The following DENND4C variants were observed in gnomAD, a reference collection of about 807,000 sequenced individuals.
The protein encoded by DENND4C is DENN domain-containing protein 4C.
Under a neutral mutation model 203.0 loss-of-function variants are expected in DENND4C, and 108 were observed. That is an observed-to-expected ratio of 0.53 (90% CI 0.46 to 0.62). DENND4C has a LOEUF of 0.62. Ranked by LOEUF, DENND4C falls within the 20% of genes least tolerant of loss-of-function variation. The pLI, the probability that DENND4C is intolerant of heterozygous loss-of-function variation, is 0.00. For synonymous variants in DENND4C, 871 were observed against 792.4 expected (o/e 1.10, Z -1.67); for missense variants, 2,481 against 2,301.2 (o/e 1.08, Z -1.60).
intron 2 of DENND4C, 23 bp downstream of exon 2, chr9:19,276,502 C>G (rs987784408): frequency 2.4e-6 from 3 of 1,225,606 alleles, no homozygotes; most frequent in Admixed American, 4.2e-5. Context: ...CTTTTCTTTG[C>G]TATAGTGAAG....
intron 1 of DENND4C, among the ~76,000 whole-genome samples, chr9:19,258,816 A>G (rs1443670463): frequency 2.0e-5 from 3 of 151,854 alleles, no homozygotes; most frequent in Non-Finnish European, 4.4e-5. Flanking sequence ...CACCAGGCCC[A>G]GCTAATTTTT....
intron 29 of DENND4C, among the ~76,000 whole-genome samples, chr9:19,361,236 T>C (rs1826429031): frequency 6.6e-6 from 1 of 152,198 alleles, no homozygotes; most frequent in Non-Finnish European, 1.5e-5. Flanking sequence ...GGACCCATAT[T>C]ATCCATATTT....
At chr9:19,339,013 A>G (rs1821063839) in intron 20 of DENND4C, among the ~76,000 whole-genome samples, 1 of 152,244 alleles carries the variant, frequency 6.6e-6, no homozygotes, top group African/African-American at 2.4e-5. Context: ...TATTTGAAAT[A>G]ACTTCAAACT....
intron 26 of DENND4C, among the ~76,000 whole-genome samples, chr9:19,354,308 G>C (rs549223212): frequency 1.1e-4 from 16 of 152,084 alleles, no homozygotes; most frequent in Non-Finnish European, 1.9e-4. Flanking sequence ...TTTTGGACTT[G>C]TGAAGTAGTT....
At chr9:19,245,537 A>G (rs1160613508) in intron 1 of DENND4C, among the ~76,000 whole-genome samples, 1 of 147,708 alleles carries the variant, frequency 6.8e-6, no homozygotes, top group African/African-American at 2.5e-5. Context: ...CCTAGACTTT[A>G]TCACCATGAT....
At chr9:19,252,247 A>C (rs1184460925) in intron 1 of DENND4C, among the ~76,000 whole-genome samples, 2 of 152,112 alleles carry the variant, frequency 1.3e-5, no homozygotes, top group Non-Finnish European at 2.9e-5. Context: ...TTCTTTTAAA[A>C]CCATCAGATC....
At chr9:19,272,362 G>A (rs1831883054) in intron 1 of DENND4C, among the ~76,000 whole-genome samples, 1 of 151,932 alleles carries the variant, frequency 6.6e-6, no homozygotes, top group Non-Finnish European at 1.5e-5. Context: ...AGAGGTTGCA[G>A]TGAGCCGAGA....
intron 19 of DENND4C, 71 bp downstream of exon 19, chr9:19,336,485 A>C (rs563441490): frequency 4.6e-6 from 7 of 1,517,390 alleles, no homozygotes; most frequent in Middle Eastern, 1.9e-4. Flanking sequence ...ATTTTTAGCT[A>C]TGTGAAGTAG....
In DENND4C at chr9:19,346,394, C is replaced by T; in HGVS notation, c.3625C>T (p.Leu1209=). 6.2e-7 allele frequency: 1 copy of T among 1,614,070 alleles called. No homozygotes were observed. The highest frequency in any genetic ancestry group is 8.5e-7 in the Non-Finnish European group (1 of 1,180,004). The change falls in exon 23 of 33, where the codon CTA becomes TTA. Residue 1209 remains leucine (L), a synonymous_variant. Transcript: ENST00000434457. ...TATVDTYESL[L]SDSNSNQSRD... is the part of the protein sequence containing the mutation. ...AACAGTAGATACATATGAGAGTCTACTAAGTGATAGTAACAGTAATCAGTC... is the reference window on the plus strand; with the variant it reads ...AACAGTAGATACATATGAGAGTCTATTAAGTGATAGTAACAGTAATCAGTC...
chr9:19,272,945 CTTT>C (rs35973945), intron 1 of DENND4C, among the ~76,000 whole-genome samples: 2 of 86,588 alleles, frequency 2.3e-5, no homozygotes, highest in Admixed American at 1.4e-4. Context: ...TTTTTGTATC[CTTT>C]TTTTTTTTTT....
chr9:19,239,285 TTTC>T (rs1823085576), intron 1 of DENND4C, among the ~76,000 whole-genome samples: 1 of 152,132 alleles, frequency 6.6e-6, no homozygotes, highest in African/African-American at 2.4e-5. Flanking sequence ...CATAAATTGA[TTTC>T]TTCTTTTCAT....
chr9:19,300,994 A>G (rs1838448269), intron 9 of DENND4C, among the ~76,000 whole-genome samples: 1 of 152,090 alleles, frequency 6.6e-6, no homozygotes, highest in African/African-American at 2.4e-5. Flanking sequence ...AGCCTGACCA[A>G]TATGGAGAAA....
intron 23 of DENND4C, among the ~76,000 whole-genome samples, chr9:19,347,627 G>A (rs1823198405): frequency 6.6e-6 from 1 of 152,144 alleles, no homozygotes; most frequent in Non-Finnish European, 1.5e-5. Flanking sequence ...TTTCTTTCTT[G>A]AAGTAACTTG....
intron 1 of DENND4C, among the ~76,000 whole-genome samples, chr9:19,262,720 C>G (rs956499127): frequency 2.0e-5 from 3 of 152,020 alleles, no homozygotes; most frequent in African/African-American, 7.3e-5. Context: ...GTGTGAGCCA[C>G]TGCTCCTGGC....
intron 1 of DENND4C, among the ~76,000 whole-genome samples, chr9:19,232,354 G>A (rs1016058914): frequency 1.3e-5 from 2 of 152,000 alleles, no homozygotes; most frequent in African/African-American, 4.8e-5. Flanking sequence ...TTGCAAAATA[G>A]TTTATTGAGA....
intron 20 of DENND4C, 79 bp from the exon 21 acceptor site, chr9:19,340,913 G>GT: frequency 7.6e-7 from 1 of 1,312,424 alleles, no homozygotes; most frequent in Non-Finnish European, 1.0e-6. Context: ...GTAGATCAGT[G>GT]GAATTTTCTT....
At position 19,358,699 on chromosome 9, in the gene DENND4C, G is replaced by A. The variant is rs1299221231; in HGVS notation, c.5160+539G>A. ...CAGTGTATTGCACTTGGTTGATATA[G>A]TTTTTAGTCTTTTTGAATCTGTAGA... On this transcript the variant is annotated intron_variant, in intron 28 of 32. Transcript: ENST00000434457. This position sits in a 1 kb window ranked among gnomAD's most constrained non-coding sequence, Gnocchi z 4.8. Among the ~76,000 whole-genome samples the A allele has an allele frequency of 6.6e-6, 1 of 151,814 alleles. No individual in the cohort carries two copies. The highest frequency in any genetic ancestry group is 2.4e-5 in the African/African-American group (1 of 41,110).
chr9:19,339,711 T>C (rs1395086419), intron 20 of DENND4C, among the ~76,000 whole-genome samples: 1 of 152,250 alleles, frequency 6.6e-6, no homozygotes, highest in Non-Finnish European at 1.5e-5. Flanking sequence ...CATGACACTT[T>C]CTCTTTTAAA....
chr9:19,276,043 A>G (rs1006856432), intron 1 of DENND4C, 115 bp from the exon 2 acceptor site: 22 of 502,336 alleles, frequency 4.4e-5, no homozygotes, highest in Admixed American at 3.5e-4. Context: ...TGGCAATTTG[A>G]TTATAAATCT....
Sources: allele counts gnomAD v4.1 joint callset (sites outside exome capture counted in the v4.1 genomes callset), GRCh38; gene constraint gnomAD v4.1.1; non-coding constraint Gnocchi (gnomAD v3.1); transcripts MANE v1.5; gene names NCBI Gene and HGNC (gene_info 2026-07-23, HGNC 2026-07-21).